The following LAMB4 variants were observed in gnomAD, a reference collection of about 807,000 sequenced individuals.
The protein encoded by LAMB4 is laminin subunit beta 4.
A neutral mutation model predicts 199.2 loss-of-function variants in LAMB4; 196 were observed. That is an observed-to-expected ratio of 0.98 (90% CI 0.88 to 1.11). LAMB4 has a LOEUF of 1.11. Ranked by LOEUF, LAMB4 falls within the 50% of genes least tolerant of loss-of-function variation. The pLI, the probability that LAMB4 is intolerant of heterozygous loss-of-function variation, is 0.00. For synonymous variants in LAMB4, 744 were observed against 770.6 expected, an observed-to-expected ratio of 0.97 and a Z score of 0.57; for missense variants, 2,080 against 2,171.2, an observed-to-expected ratio of 0.96 and a Z score of 0.83.
intron 17 of LAMB4, among the ~76,000 whole-genome samples, chr7:108,071,997 A>G (rs1460657941): frequency 6.6e-6 from 1 of 151,764 alleles, no homozygotes; most frequent in African/African-American, 2.4e-5. Context: ...ATGGTCCTCA[A>G]TATGGGAGGT....
chr7:108,107,866 T>C (rs767637161), intron 5 of LAMB4, 47 bp from the exon 6 acceptor site: 2 of 1,236,274 alleles, frequency 1.6e-6, no homozygotes, highest in South Asian at 1.4e-5. Flanking sequence ...AGGCAGATTT[T>C]ATTATCAACT....
At chr7:108,036,408 G>A (rs191293775) in intron 30 of LAMB4, among the ~76,000 whole-genome samples, 7 of 152,006 alleles carry the variant, frequency 4.6e-5, no homozygotes, top group Non-Finnish European at 5.9e-5. Flanking sequence ...GGCTGGTCTC[G>A]AATTCCTGAC....
chr7:108,105,695 C>G (rs2037978780), intron 8 of LAMB4, 122 bp downstream of exon 8: 1 of 821,114 alleles, frequency 1.2e-6, no homozygotes, highest in Non-Finnish European at 2.0e-6. Context: ...TGGTACCCAT[C>G]TCAGCATAAA....
Position 108,105,990 on chromosome 7 carries a change from G to A in LAMB4, c.697C>T (p.Leu233Phe), listed in dbSNP as rs376809000. The change falls in exon 8 of 34, where the codon CTC becomes TTC. Residue 233 changes from leucine to phenylalanine, a missense_variant. Physicochemically the swap from Leu to Phe is conservative, Grantham distance 22. Coordinates refer to ENST00000388781, the MANE Select transcript of LAMB4 (RefSeq NM_007356.3). ...AGCAAAGCATCCCCAAGGGTGTGGA[G>A]CTTGGTAAAGTTTATCCTCAGGTTT... is the stretch of plus-strand genomic sequence containing the variant. ...LTNLRINFTK[L>F]HTLGDALLGR... is the part of the protein sequence containing the mutation. 7 of 1,613,782 alleles carry A rather than the reference G, an allele frequency of 4.3e-6. No individual in the cohort carries two copies. In the African/African-American group the frequency reaches 9.4e-5, roughly 22 times the overall value.
At chr7:108,124,398 G>A (rs2038705555) in intron 1 of LAMB4, among the ~76,000 whole-genome samples, 1 of 152,082 alleles carries the variant, frequency 6.6e-6, no homozygotes, top group Non-Finnish European at 1.5e-5. Context: ...AGTAAATGGA[G>A]CAGAAATAAT....
intron 2 of LAMB4, among the ~76,000 whole-genome samples, chr7:108,116,924 C>T (rs542700339): frequency 6.6e-6 from 1 of 152,276 alleles, no homozygotes; most frequent in Admixed American, 6.5e-5. Context: ...GTAGTCCCAG[C>T]TACTCAGGAA....
At chr7:108,056,052 T>C (rs1375590735) in intron 24 of LAMB4, 45 bp from the exon 25 acceptor site, 1 of 1,531,146 alleles carries the variant, frequency 6.5e-7, no homozygotes. Flanking sequence ...CTGGGCCTTT[T>C]GTTGATGACT....
At position 108,024,061 on chromosome 7, in the gene LAMB4, T is replaced by A; in HGVS notation, c.5264A>T (p.Lys1755Ile). ...TGCCTAGCTATAGCACCTAGCATAT[T>A]TTTTTTCTTGTTCAACAATTTCATT... is the stretch of plus-strand genomic sequence containing the variant. ...IKNEIVEQEK[K>I]YARCYS Residue 1755 changes from lysine to isoleucine, a missense_variant, in exon 34 of 34, where the codon AAA (lysine) becomes ATA (isoleucine). Physicochemically the swap from Lys to Ile is moderately radical, Grantham distance 102. Coordinates refer to ENST00000388781, the MANE Select transcript of LAMB4 (RefSeq NM_007356.3). The A allele has an allele frequency of 1.9e-6, 3 of 1,607,092 alleles. No individual in the cohort carries two copies. Among genetic ancestry groups the A allele is most frequent in the Non-Finnish European group, 2.5e-6 (3 of 1,176,934 alleles).
chr7:108,039,500 G>A lies in LAMB4; in HGVS notation c.4472-1905C>T, dbSNP rs1223778224. On this transcript the variant is annotated intron_variant, in intron 29 of 33. Transcript: ENST00000388781. Reference sequence around the variant, plus strand: ...TTTTTTTTTTTTGAGATGGTGTCTCGCTGTATCGCTCAGGCTGGAGTGCAG... The same window carrying A: ...TTTTTTTTTTTTGAGATGGTGTCTCACTGTATCGCTCAGGCTGGAGTGCAG... Among the ~76,000 whole-genome samples, 4 of 141,794 alleles carry A rather than the reference G, an allele frequency of 2.8e-5. No homozygotes were observed. In the East Asian group the frequency reaches 6.2e-4, roughly 22 times the overall value. 93.0% of individuals were successfully genotyped at this position (141,794 alleles called of 152,430 possible).
chr7:108,124,307 G>T (rs1489086404), intron 1 of LAMB4, among the ~76,000 whole-genome samples: 1 of 152,114 alleles, frequency 6.6e-6, no homozygotes, highest in Non-Finnish European at 1.5e-5. Context: ...TCTATTGGTT[G>T]ATGTGTACTT....
At chr7:108,090,798 C>G (rs1413252262) in intron 14 of LAMB4, among the ~76,000 whole-genome samples, 1 of 152,098 alleles carries the variant, frequency 6.6e-6, no homozygotes, top group African/African-American at 2.4e-5. Context: ...GAAGAAGAAC[C>G]CAGACCAGGG....
chr7:108,012,807 TATACTCACC>T, the LAMB4 span, among the ~76,000 whole-genome samples: 1 of 152,164 alleles, frequency 6.6e-6, no homozygotes, highest in South Asian at 2.1e-4. Flanking sequence ...CCACCCTCAA[TATACTCACC>T]ATTTGCAAAA....
chr7:108,019,599 C>T (rs1428355120), downstream of LAMB4, among the ~76,000 whole-genome samples: 2 of 152,122 alleles, frequency 1.3e-5, no homozygotes, highest in East Asian at 3.9e-4. Context: ...TTGCACACAA[C>T]ATTGACACTC....
Position 108,095,313 on chromosome 7 carries a change from C to T in LAMB4, c.1385G>A (p.Ser462Asn). 6.2e-7 allele frequency: 1 copy of T among 1,613,894 alleles called. No individual in the cohort carries two copies. ...CACATCACAGGTCAAGAATGGCAGA[C>T]TCCCAAGGGGGTTACAGTCGCAGGC... ...CQPCDCNPLGSLPFLTCDVDT... is the reference protein window; with the variant it reads ...CQPCDCNPLGNLPFLTCDVDT... Residue 462 changes from serine to asparagine, a missense_variant, in exon 12 of 34, where the codon AGT (serine) becomes AAT (asparagine). Transcript: ENST00000388781.
chr7:108,108,733 AT>A (rs2038113107), intron 5 of LAMB4, among the ~76,000 whole-genome samples: 1 of 151,900 alleles, frequency 6.6e-6, no homozygotes, highest in South Asian at 2.1e-4. Context: ...CAAAATTAGA[AT>A]TTTCCTGAAT....
chr7:108,042,819 G>C (rs2035465730), intron 29 of LAMB4, among the ~76,000 whole-genome samples: 2 of 152,222 alleles, frequency 1.3e-5, no homozygotes, highest in South Asian at 4.1e-4. Context: ...AGTGATTGAA[G>C]AGATTGTAAT....
At chr7:108,057,973 T>TAA in intron 23 of LAMB4, 45 bp from the exon 24 acceptor site, 4 of 1,267,926 alleles carry the variant, frequency 3.2e-6, no homozygotes, top group Admixed American at 1.8e-5. Context: ...TTTTATGGTC[T>TAA]AAAAAAAAAT....
At chr7:108,063,124 T>C in intron 22 of LAMB4, 130 bp from the exon 23 acceptor site, 1 of 526,974 alleles carries the variant, frequency 1.9e-6, no homozygotes. Flanking sequence ...CGCCTTATAA[T>C]AGTAAAGAAT....
intron 17 of LAMB4, among the ~76,000 whole-genome samples, chr7:108,071,338 C>G (rs1453843645): frequency 6.7e-6 from 1 of 149,560 alleles, no homozygotes; most frequent in Non-Finnish European, 1.5e-5. Context: ...TCAGGGTTCT[C>G]TCATCAGCAC....
Sources: allele counts gnomAD v4.1 joint callset (sites outside exome capture counted in the v4.1 genomes callset), GRCh38; gene constraint gnomAD v4.1.1; transcripts MANE v1.5; gene names NCBI Gene and HGNC (gene_info 2026-07-23, HGNC 2026-07-21).